Variants in CADPS2 observed in about 807,000 individuals in gnomAD.
The protein encoded by CADPS2 is calcium dependent secretion activator 2.
CADPS2 carries 93 observed loss-of-function variants against 172.5 expected under a neutral mutation model. The observed-to-expected ratio is 0.54, with a 90% confidence interval of 0.46 to 0.64. CADPS2 has a LOEUF of 0.64. CADPS2 is among the 30% of genes least tolerant of loss of function. The pLI is 0.00. For missense variants in CADPS2, 1,420 were observed against 1,565.9 expected (o/e 0.91, Z 1.57); for synonymous variants, 546 against 555.2 (o/e 0.98, Z 0.23).
At position 122,426,173 on chromosome 7, in the gene CADPS2, G is replaced by C. The variant is rs2049151718; in HGVS notation, c.2477-10009C>G. On this transcript the variant is annotated intron_variant, in intron 17 of 29. Coordinates refer to ENST00000449022, the MANE Select transcript of CADPS2 (RefSeq NM_017954.11). ...ACATTTGAAAAGATTTGCAGCCTTG[G>C]GTGATGAGAAATGAGTCAAAAGATC... The C allele has an allele frequency of 1.3e-5, 2 of 152,142 alleles. 1 individual carries two copies. The highest frequency in any genetic ancestry group is 2.9e-5 in the Non-Finnish European group (2 of 68,030). 9.4% of individuals were successfully genotyped at this position (152,142 alleles called of 1,614,324 possible). A position where few individuals can be genotyped will look rare whatever the true frequency, so the allele number is the denominator to read the frequency against.
chr7:122,418,033 G>A (rs979547151), intron 17 of CADPS2, among the ~76,000 whole-genome samples: 6 of 152,040 alleles, frequency 3.9e-5, no homozygotes, highest in South Asian at 2.1e-4. Flanking sequence ...AGCTGGGCCC[G>A]GTGGTGGGCA....
At chr7:122,556,437 TAC>T (rs1419011092) in intron 7 of CADPS2, among the ~76,000 whole-genome samples, 1 of 152,158 alleles carries the variant, frequency 6.6e-6, no homozygotes, top group African/African-American at 2.4e-5. Flanking sequence ...ATGAGCCACT[TAC>T]AGACTTTATT....
At chr7:122,625,120 G>A (rs148898353) in intron 4 of CADPS2, among the ~76,000 whole-genome samples, 4,799 of 151,818 alleles carry the variant, frequency 0.032, 132 homozygotes, top group African/African-American at 0.065. Flanking sequence ...GCACAATCTC[G>A]GCTCACCACA....
At chr7:122,779,810 C>T (rs1414480605) in intron 1 of CADPS2, among the ~76,000 whole-genome samples, 1 of 152,104 alleles carries the variant, frequency 6.6e-6, no homozygotes, top group Non-Finnish European at 1.5e-5. Flanking sequence ...TCCCCCTCTC[C>T]CTATCATGCT....
intron 25 of CADPS2, among the ~76,000 whole-genome samples, chr7:122,365,128 G>A (rs17144333): frequency 6.6e-6 from 1 of 152,026 alleles, no homozygotes; most frequent in African/African-American, 2.4e-5. Context: ...CTTCTTCAGA[G>A]CACGAAGCAG....
intron 2 of CADPS2, among the ~76,000 whole-genome samples, chr7:122,692,284 C>G (rs1407824935): frequency 3.3e-5 from 5 of 152,098 alleles, no homozygotes; most frequent in Non-Finnish European, 5.9e-5. Flanking sequence ...GGGGGAGGGT[C>G]CCTAGGCTCA....
intron 25 of CADPS2, among the ~76,000 whole-genome samples, chr7:122,365,848 G>T (rs1304418137): frequency 6.6e-6 from 1 of 152,168 alleles, no homozygotes; most frequent in Admixed American, 6.5e-5. Context: ...ATTTCTTGTT[G>T]ATTTTGACAG....
intron 1 of CADPS2, among the ~76,000 whole-genome samples, chr7:122,749,155 T>G (rs1299644631): frequency 1.3e-5 from 2 of 152,132 alleles, no homozygotes; most frequent in East Asian, 3.9e-4. Flanking sequence ...ATCAGCATCC[T>G]CCTTCTGTCA....
chr7:122,523,540 T>C (rs936714792), intron 8 of CADPS2, among the ~76,000 whole-genome samples: 9 of 152,152 alleles, frequency 5.9e-5, no homozygotes, highest in African/African-American at 2.2e-4. Flanking sequence ...TGTATAAATA[T>C]GTTAGGTCTT....
At chr7:122,535,572 AAG>A (rs1201251720) in intron 8 of CADPS2, among the ~76,000 whole-genome samples, 1 of 152,096 alleles carries the variant, frequency 6.6e-6, no homozygotes, top group Non-Finnish European at 1.5e-5. Flanking sequence ...GTATGTTCAC[AAG>A]ACTTTTACAA....
chr7:122,734,228 A>G lies in CADPS2; in HGVS notation c.453+2727T>C, dbSNP rs576720891. 6.7e-5 allele frequency among the ~76,000 whole-genome samples: 10 copies of G among 149,036 alleles called. No homozygotes were observed. The South Asian group carries it at 1.9e-3, about 28-fold the overall frequency. ...ATAAGACTTATTCTAAAATATAAAT[A>G]TATATTTAAATATATTTTAATTTCT... On this transcript the variant is annotated intron_variant, in intron 2 of 29. Coordinates refer to ENST00000449022, the MANE Select transcript of CADPS2 (RefSeq NM_017954.11).
chr7:122,525,880 A>G (rs2061189866), intron 8 of CADPS2, among the ~76,000 whole-genome samples: 1 of 152,186 alleles, frequency 6.6e-6, no homozygotes, highest in Non-Finnish European at 1.5e-5. Flanking sequence ...TTGTAACACA[A>G]TGGCAAGTAT....
intron 1 of CADPS2, among the ~76,000 whole-genome samples, chr7:122,751,256 C>T (rs1172593921): frequency 6.6e-6 from 1 of 152,040 alleles, no homozygotes; most frequent in Non-Finnish European, 1.5e-5. Context: ...TAGGCGCTTC[C>T]TAAGAGTCTA....
intron 9 of CADPS2, among the ~76,000 whole-genome samples, chr7:122,507,827 A>G (rs2059718458): frequency 6.6e-6 from 1 of 152,088 alleles, no homozygotes; most frequent in Non-Finnish European, 1.5e-5. Context: ...ACTGGATGTA[A>G]ATGGAATGCT....
intron 7 of CADPS2, among the ~76,000 whole-genome samples, chr7:122,568,066 T>TA (rs2066697707): frequency 6.6e-6 from 1 of 151,948 alleles, no homozygotes; most frequent in South Asian, 2.1e-4. Flanking sequence ...ACAAATAGAT[T>TA]AAAAAATGGG....
chr7:122,650,776 T>G (rs2079070968), intron 3 of CADPS2, among the ~76,000 whole-genome samples: 2 of 152,294 alleles, frequency 1.3e-5, no homozygotes, highest in Non-Finnish European at 2.9e-5. Context: ...ACACTGACAA[T>G]TTAAAAATTT....
At chr7:122,557,978 C>T (rs2065243242) in intron 7 of CADPS2, among the ~76,000 whole-genome samples, 1 of 152,038 alleles carries the variant, frequency 6.6e-6, no homozygotes, top group African/African-American at 2.4e-5. Flanking sequence ...GTTCAGAGAA[C>T]ACCAATACCT....
chr7:122,645,473 GTATA>G (rs1243603349), intron 3 of CADPS2, among the ~76,000 whole-genome samples: 2 of 63,858 alleles, frequency 3.1e-5, no homozygotes, highest in South Asian at 7.3e-4. Flanking sequence ...GTGTATATAT[GTATA>G]TATATTTAGC....
chr7:122,450,300 CACAT>C (rs1303615156), intron 15 of CADPS2, among the ~76,000 whole-genome samples: 1 of 151,928 alleles, frequency 6.6e-6, no homozygotes, highest in African/African-American at 2.4e-5. Flanking sequence ...AGTTCCAAAT[CACAT>C]GCATGCAACA....
Sources: allele counts gnomAD v4.1 joint callset (sites outside exome capture counted in the v4.1 genomes callset), GRCh38; gene constraint gnomAD v4.1.1; transcripts MANE v1.5; gene names NCBI Gene and HGNC (gene_info 2026-07-23, HGNC 2026-07-21).